The following TSPAN5 variants were observed in gnomAD, a reference collection of about 807,000 sequenced individuals.
The protein encoded by TSPAN5 is tetraspanin-5.
TSPAN5 carries 10 observed loss-of-function variants against 37.1 expected under a neutral mutation model. The ratio of observed to expected loss-of-function variants is 0.27; its 90% CI spans 0.17 to 0.46. The LOEUF (loss-of-function observed/expected upper bound fraction) is 0.46. TSPAN5 is among the 20% of genes least tolerant of loss of function. TSPAN5 has a pLI of 1.00. For missense variants in TSPAN5, 195 were observed against 326.6 expected (o/e 0.60, Z 3.11); for synonymous variants, 110 against 118.9 (o/e 0.93, Z 0.48).
intron 1 of TSPAN5, among the ~76,000 whole-genome samples, chr4:98,626,266 C>T (rs1246932772): frequency 1.3e-5 from 2 of 152,160 alleles, no homozygotes; most frequent in African/African-American, 4.8e-5. Flanking sequence ...ACCACTGAGT[C>T]CCCTTTATGT....
At chr4:98,545,325 C>T (rs2110146804) in intron 1 of TSPAN5, among the ~76,000 whole-genome samples, 1 of 152,294 alleles carries the variant, frequency 6.6e-6, no homozygotes, top group African/African-American at 2.4e-5. Flanking sequence ...TGGCCAATGC[C>T]AAAAGCAATA....
intron 1 of TSPAN5, among the ~76,000 whole-genome samples, chr4:98,654,575 A>G (rs971706243): frequency 3.9e-5 from 6 of 152,196 alleles, no homozygotes; most frequent in Non-Finnish European, 8.8e-5. Flanking sequence ...GTTCCAATAT[A>G]TAACAGAGGA....
At chr4:98,603,874 A>C (rs1311043703) in intron 1 of TSPAN5, among the ~76,000 whole-genome samples, 1 of 152,128 alleles carries the variant, frequency 6.6e-6, no homozygotes, top group African/African-American at 2.4e-5. Flanking sequence ...GAGAACAGAA[A>C]AGCCACAAAA....
chr4:98,528,128 A>C (rs891102219), intron 1 of TSPAN5, among the ~76,000 whole-genome samples: 3 of 152,218 alleles, frequency 2.0e-5, no homozygotes. Context: ...ATGTACACTA[A>C]ATACCCTGCA....
intron 1 of TSPAN5, among the ~76,000 whole-genome samples, chr4:98,516,925 C>A (rs576457808): frequency 6.6e-6 from 1 of 152,164 alleles, no homozygotes; most frequent in South Asian, 2.1e-4. Context: ...GAAGCCCTTG[C>A]CAGAAACCAG....
chr4:98,562,425 G>A (rs1449545380), intron 1 of TSPAN5, among the ~76,000 whole-genome samples: 1 of 152,156 alleles, frequency 6.6e-6, no homozygotes. Context: ...CACTTTGGGA[G>A]GCCAAGGCAG....
chr4:98,549,850 A>AT (rs1754567537), intron 1 of TSPAN5, among the ~76,000 whole-genome samples: 1 of 150,566 alleles, frequency 6.6e-6, no homozygotes, highest in Non-Finnish European at 1.5e-5. Context: ...TACTCTCCTG[A>AT]TTTTTTTCTT....
chr4:98,477,434 C>A (rs1282026038), intron 5 of TSPAN5, among the ~76,000 whole-genome samples: 1 of 152,150 alleles, frequency 6.6e-6, no homozygotes, highest in Non-Finnish European at 1.5e-5. Context: ...ACCATAGCTC[C>A]TTTTAAGAGC....
At chr4:98,486,663 C>T (rs1752965789) in intron 3 of TSPAN5, 75 bp downstream of exon 3, 1 of 1,564,840 alleles carries the variant, frequency 6.4e-7, no homozygotes, top group Non-Finnish European at 8.8e-7. Flanking sequence ...ACTGTCTTGC[C>T]TGTAGATAGG....
intron 1 of TSPAN5, among the ~76,000 whole-genome samples, chr4:98,569,150 A>T (rs1012412431): frequency 9.2e-5 from 14 of 152,218 alleles, no homozygotes; most frequent in African/African-American, 3.4e-4. Context: ...CCAAGTAAGC[A>T]TCTGATTATG....
intron 2 of TSPAN5, among the ~76,000 whole-genome samples, chr4:98,495,279 C>T (rs951378942): frequency 6.6e-6 from 1 of 152,180 alleles, no homozygotes; most frequent in African/African-American, 2.4e-5. Flanking sequence ...CCTGTAATCC[C>T]AGCACTCTGG....
chr4:98,605,601 T>G (rs1476788404), intron 1 of TSPAN5, among the ~76,000 whole-genome samples: 1 of 152,232 alleles, frequency 6.6e-6, no homozygotes, highest in African/African-American at 2.4e-5. Context: ...AGTTCACTTA[T>G]AAGACTAATT....
chr4:98,644,859 G>T (rs1184694721), intron 1 of TSPAN5, among the ~76,000 whole-genome samples: 3 of 152,234 alleles, frequency 2.0e-5, no homozygotes, highest in Non-Finnish European at 2.9e-5. Context: ...TCAGAAATGG[G>T]GGATGCCCCT....
At chr4:98,505,726 A>C (rs528916591) in intron 2 of TSPAN5, among the ~76,000 whole-genome samples, 48 of 152,272 alleles carry the variant, frequency 3.2e-4, no homozygotes, top group African/African-American at 1.0e-3. Context: ...CGTATTCCCC[A>C]CACTCAGGCC....
chr4:98,512,806 A>G (rs1753639328), intron 1 of TSPAN5, among the ~76,000 whole-genome samples: 1 of 152,212 alleles, frequency 6.6e-6, no homozygotes, highest in Non-Finnish European at 1.5e-5. Flanking sequence ...TTTGTACTAG[A>G]CACTACTTTT....
chr4:98,548,017 AAAAAAAAAAAG>A (rs1461215756), intron 1 of TSPAN5, among the ~76,000 whole-genome samples: 3 of 126,832 alleles, frequency 2.4e-5, no homozygotes, highest in African/African-American at 9.7e-5. Flanking sequence ...GTCTCAAAAA[AAAAAAAAAAAG>A]AAAAAGAAAA....
At chr4:98,502,914 T>C (rs1319392436) in intron 2 of TSPAN5, among the ~76,000 whole-genome samples, 1 of 151,268 alleles carries the variant, frequency 6.6e-6, no homozygotes, top group African/African-American at 2.4e-5. Context: ...AAATAGAGCA[T>C]CGCAGTGTCT....
intron 4 of TSPAN5, among the ~76,000 whole-genome samples, 196 bp from the exon 5 acceptor site, chr4:98,479,006 A>T (rs920935282): frequency 6.6e-6 from 1 of 152,160 alleles, no homozygotes; most frequent in African/African-American, 2.4e-5. Flanking sequence ...GTTTGTAGGG[A>T]TGTGTTGGCA....
intron 1 of TSPAN5, among the ~76,000 whole-genome samples, chr4:98,581,509 A>T (rs1755370123): frequency 6.6e-6 from 1 of 152,186 alleles, no homozygotes; most frequent in South Asian, 2.1e-4. Context: ...TTGTTCTTTT[A>T]TCTCAATCTT....
Sources: gnomAD v4.1 joint callset for allele counts (sites outside exome capture counted in the v4.1 genomes callset) on GRCh38, gnomAD v4.1.1 for gene constraint, MANE v1.5 for transcripts, NCBI Gene and HGNC (gene_info 2026-07-23, HGNC 2026-07-21) for gene names.